PREX2: variants seen among roughly 807,000 people sequenced by gnomAD.
The protein encoded by PREX2 is phosphatidylinositol-3,4,5-trisphosphate dependent Rac exchange factor 2.
In PREX2, 107 loss-of-function variants were observed where a neutral mutation model predicts 203.2. The ratio of observed to expected loss-of-function variants is 0.53; its 90% confidence interval spans 0.45 to 0.62. The LOEUF (loss-of-function observed/expected upper bound fraction) is 0.62, where lower values mean the gene tolerates loss of function less well. Ranked by LOEUF, PREX2 falls within the 20% of genes least tolerant of loss-of-function variation. The pLI is 0.00. For synonymous variants in PREX2, 672 were observed against 663.6 expected (o/e 1.01, Z -0.19); for missense variants, 1,777 against 1,955.9 (o/e 0.91, Z 1.72).
At chr8:68,131,025 G>GC (rs1259599241) in intron 31 of PREX2, among the ~76,000 whole-genome samples, 1 of 152,210 alleles carries the variant, frequency 6.6e-6, no homozygotes, top group Admixed American at 6.5e-5. Flanking sequence ...CCCAGTGTAC[G>GC]CCATAGGGCA....
chr8:68,030,140 T>C (rs1479091260), intron 5 of PREX2, among the ~76,000 whole-genome samples: 3 of 152,138 alleles, frequency 2.0e-5, no homozygotes, highest in African/African-American at 4.8e-5. Flanking sequence ...TTAAAGACCC[T>C]AGAAAAATGA....
chr8:68,058,444 T>G (rs1808743041), intron 10 of PREX2, among the ~76,000 whole-genome samples: 1 of 152,104 alleles, frequency 6.6e-6, no homozygotes, highest in Admixed American at 6.5e-5. Flanking sequence ...ACATTCTTTT[T>G]TTTTTTTGAG....
At chr8:68,072,365 C>T (rs1487420950) in intron 13 of PREX2, 130 bp from the exon 14 acceptor site, 1 of 529,564 alleles carries the variant, frequency 1.9e-6, no homozygotes, top group Non-Finnish European at 3.3e-6. Context: ...ATTTGGGCAA[C>T]TAACTCAGGT....
Position 68,134,133 on chromosome 8 carries a change from C to A in PREX2, c.3841C>A (p.Gln1281Lys), listed in dbSNP as rs776242863. 1.2e-6 allele frequency: 2 copies of A among 1,614,126 alleles called. No individual in the cohort carries two copies. The highest frequency in any genetic ancestry group is 1.7e-6 in the Non-Finnish European group (2 of 1,180,006). Residue 1281 changes from glutamine to lysine, a missense_variant, in exon 32 of 40, where the codon CAG (glutamine) becomes AAG (lysine). Gln to Lys is a moderately conservative substitution (Grantham distance 53). Coordinates refer to ENST00000288368, the MANE Select transcript of PREX2 (RefSeq NM_024870.4). The part of the protein sequence containing the change: ...LVATVCAFSE[Q>K]LMAALNQMFD... Reference sequence around the variant, plus strand: ...GGCCACTGTCTGTGCCTTCTCTGAGCAGCTCATGGCGGCCTTGAACCAGAT... The same window carrying A: ...GGCCACTGTCTGTGCCTTCTCTGAGAAGCTCATGGCGGCCTTGAACCAGAT...
In PREX2 at chr8:68,127,970, A is replaced by T. The variant is rs551719614; in HGVS notation, c.3766+551A>T. ...TTGTTCATCAGCAAATGCCTAAAAT[A>T]GTGGCTGGCATATAGATATTCAACA... On this transcript the variant is annotated intron_variant, in intron 31 of 39. Transcript: ENST00000288368. Among the ~76,000 whole-genome samples, 4 of 152,342 alleles carry T rather than the reference A, an allele frequency of 2.6e-5. No individual in the cohort carries two copies. The South Asian group carries it at 6.2e-4, about 24-fold the overall frequency.
intron 34 of PREX2, 25 bp from the exon 35 acceptor site, chr8:68,157,296 TA>T: frequency 1.5e-6 from 2 of 1,306,708 alleles, no homozygotes; most frequent in Non-Finnish European, 2.2e-6. Context: ...AAGTTGCTTG[TA>T]AAATATGTTT....
At chr8:68,047,135 G>A (rs991504623) in intron 8 of PREX2, among the ~76,000 whole-genome samples, 7 of 151,958 alleles carry the variant, frequency 4.6e-5, no homozygotes, top group Non-Finnish European at 5.9e-5. Context: ...ATCAGCGTAT[G>A]GAGGTTGGGT....
At chr8:68,150,982 TTCTTCCC>T (rs1394915544) in intron 34 of PREX2, among the ~76,000 whole-genome samples, 1 of 152,184 alleles carries the variant, frequency 6.6e-6, no homozygotes, top group Admixed American at 6.5e-5. Flanking sequence ...TCACACGGTC[TTCTTCCC>T]TCTGTGTGTG....
Position 68,060,748 on chromosome 8 carries a change from A to G in PREX2, c.1308A>G (p.Gln436=). 2 of 1,611,302 alleles carry G rather than the reference A, an allele frequency of 1.2e-6. No individual in the cohort carries two copies. Among genetic ancestry groups the G allele is most frequent in the African/African-American group, 1.3e-5 (1 of 74,930 alleles). ...HRPEEGVHLG[Q]ALLENGIIHH... ...CTGAGGAAGGCGTGCACTTGGGACA[A>G]GCATTATTAGAAAATGGAATCATTC... is the stretch of plus-strand genomic sequence containing the variant. Residue 436 remains glutamine, a synonymous_variant, in exon 11 of 40, where the codon CAA becomes CAG. Coordinates refer to ENST00000288368, the MANE Select transcript of PREX2 (RefSeq NM_024870.4).
At chr8:68,048,125 T>G (rs200337197) in intron 8 of PREX2, among the ~76,000 whole-genome samples, 1 of 152,202 alleles carries the variant, frequency 6.6e-6, no homozygotes, top group East Asian at 1.9e-4. Flanking sequence ...AAATTTCCAT[T>G]CAACCATTCT....
chr8:68,097,326 C>CTTTTTTTTTTT (rs5892134), intron 22 of PREX2, 125 bp downstream of exon 22: 1 of 542,462 alleles, frequency 1.8e-6, no homozygotes, highest in African/African-American at 2.0e-5. Flanking sequence ...ATTCAAACTT[C>CTTTTTTTTTTT]TTTTTTTTTT....
intron 20 of PREX2, among the ~76,000 whole-genome samples, chr8:68,092,821 T>C (rs1809922597): frequency 6.6e-6 from 1 of 152,182 alleles, no homozygotes; most frequent in African/African-American, 2.4e-5. Flanking sequence ...TGTTTTATTT[T>C]GTTGTCTTAT....
intron 7 of PREX2, 98 bp downstream of exon 7, chr8:68,038,390 C>A (rs1389789711): frequency 4.7e-6 from 6 of 1,275,300 alleles, no homozygotes; most frequent in Non-Finnish European, 6.6e-6. Flanking sequence ...CAGTTTCTAC[C>A]TTTCTCTCTG....
chr8:68,232,132 A>G lies in PREX2; in HGVS notation c.*754A>G, dbSNP rs1052718097. 2.0e-5 allele frequency: 3 copies of G among 152,202 alleles called. No individual in the cohort carries two copies. Among genetic ancestry groups the G allele is most frequent in the Non-Finnish European group, 4.4e-5 (3 of 68,072 alleles). The allele number at this position is 152,202 out of a possible 1,614,324, so 9.4% of individuals were successfully genotyped here. On this transcript the variant is annotated 3_prime_UTR_variant, in exon 40 of 40. Coordinates refer to ENST00000288368, the MANE Select transcript of PREX2 (RefSeq NM_024870.4). ...GGCCATGAATACTGGGTGCTGTGCCATAATGGCCCTGGGGATCAGGGAAGT... is the reference window on the plus strand; with the variant it reads ...GGCCATGAATACTGGGTGCTGTGCCGTAATGGCCCTGGGGATCAGGGAAGT...
At chr8:68,025,193 C>CTT (rs749467612) in intron 4 of PREX2, among the ~76,000 whole-genome samples, 1 of 150,922 alleles carries the variant, frequency 6.6e-6, no homozygotes, top group Non-Finnish European at 1.5e-5. Flanking sequence ...TTTGCTCAGT[C>CTT]TTTTTTTTTA....
At chr8:68,184,551 A>G (rs1812151477) in intron 35 of PREX2, among the ~76,000 whole-genome samples, 1 of 152,226 alleles carries the variant, frequency 6.6e-6, no homozygotes, top group Non-Finnish European at 1.5e-5. Flanking sequence ...AGAAGTATAT[A>G]TCTGTCTGAC....
intron 1 of PREX2, among the ~76,000 whole-genome samples, chr8:68,013,086 A>G (rs1426626669): frequency 6.6e-6 from 1 of 152,230 alleles, no homozygotes; most frequent in East Asian, 1.9e-4. Flanking sequence ...TAGTCTTTGC[A>G]GAAGTTTATT....
chr8:68,193,410 C>A (rs10957421), intron 37 of PREX2, among the ~76,000 whole-genome samples: 1 of 151,944 alleles, frequency 6.6e-6, no homozygotes. Flanking sequence ...TTTGCTGCAC[C>A]CATCAACCCG....
chr8:68,202,142 C>T (rs1812519012), intron 37 of PREX2, among the ~76,000 whole-genome samples: 1 of 152,046 alleles, frequency 6.6e-6, no homozygotes, highest in Non-Finnish European at 1.5e-5. Context: ...ACTCGTGATC[C>T]ACCCACCTCG....
Sources: gnomAD v4.1 joint callset for allele counts (sites outside exome capture counted in the v4.1 genomes callset) on GRCh38, gnomAD v4.1.1 for gene constraint, MANE v1.5 for transcripts, NCBI Gene and HGNC (gene_info 2026-07-23, HGNC 2026-07-21) for gene names.